Variants in NAALADL2 observed in about 807,000 individuals in gnomAD.
The protein encoded by NAALADL2 is inactive N-acetylated-alpha-linked acidic dipeptidase-like protein 2.
Under a neutral mutation model 87.2 loss-of-function variants are expected in NAALADL2, and 76 were observed. The observed-to-expected ratio is 0.87, with a 90% CI of 0.72 to 1.05. The LOEUF is 1.05. Ranked by LOEUF, NAALADL2 falls within the 50% of genes least tolerant of loss-of-function variation. The pLI, the probability that NAALADL2 is intolerant of heterozygous loss-of-function variation, is 0.00. For missense variants in NAALADL2, 1,089 were observed against 945.8 expected (o/e 1.15, Z -1.99); for synonymous variants, 354 against 331.0 (o/e 1.07, Z -0.75).
At chr3:174,823,850 A>G (rs940981905) in intron 3 of NAALADL2, among the ~76,000 whole-genome samples, 2 of 152,186 alleles carry the variant, frequency 1.3e-5, no homozygotes. Flanking sequence ...AGCTGGGACT[A>G]CAGGCATGCA....
chr3:174,632,214 T>C lies in NAALADL2; in HGVS notation c.-115+81577T>C, dbSNP rs1722182834. 2.0e-5 allele frequency: 3 copies of C among 152,288 alleles called. No homozygotes were observed. In the South Asian group the frequency reaches 6.2e-4, roughly 32 times the overall value. The allele number at this position is 152,288 out of a possible 1,614,324, so 9.4% of individuals were successfully genotyped here. A position where few individuals can be genotyped will look rare whatever the true frequency, so the allele number is the denominator to read the frequency against. On this transcript the variant is annotated intron_variant, in intron 2 of 3. Transcript: ENST00000434257. ...ACTTAGTTTCTTCAACGAAGTGGAT[T>C]AATACTATGTTAAAGGATTGTTTAA...
At chr3:174,452,823 A>C (rs1223259489) in intron 1 of NAALADL2, among the ~76,000 whole-genome samples, 1 of 152,198 alleles carries the variant, frequency 6.6e-6, no homozygotes, top group Non-Finnish European at 1.5e-5. Flanking sequence ...TCAGCCCACA[A>C]GGATGAGAAA....
At chr3:174,973,265 A>G (rs943761518) in intron 1 of NAALADL2, among the ~76,000 whole-genome samples, 3 of 152,200 alleles carry the variant, frequency 2.0e-5, no homozygotes, top group African/African-American at 7.2e-5. Flanking sequence ...TCACTGGTTC[A>G]TTCTGCTTGT....
intron 2 of NAALADL2, among the ~76,000 whole-genome samples, chr3:174,578,818 A>T (rs965939381): frequency 6.6e-6 from 1 of 151,948 alleles, no homozygotes; most frequent in African/African-American, 2.4e-5. Flanking sequence ...AAATTATATG[A>T]ATTAAACTTC....
intron 4 of NAALADL2, among the ~76,000 whole-genome samples, chr3:175,318,551 T>C (rs1420488029): frequency 3.3e-5 from 5 of 152,188 alleles, no homozygotes; most frequent in Non-Finnish European, 4.4e-5. Flanking sequence ...AAAGAAGATA[T>C]AAAAATGAAC....
At chr3:175,476,505 T>C (rs1330234240) in intron 9 of NAALADL2, among the ~76,000 whole-genome samples, 2 of 152,090 alleles carry the variant, frequency 1.3e-5, no homozygotes, top group African/African-American at 4.8e-5. Flanking sequence ...AAAAACTGAG[T>C]GGACTCAGAA....
intron 4 of NAALADL2, among the ~76,000 whole-genome samples, chr3:175,285,292 CAT>C (rs1370407327): frequency 6.6e-6 from 1 of 152,100 alleles, no homozygotes; most frequent in Non-Finnish European, 1.5e-5. Context: ...TGCTGTACCA[CAT>C]GTTACAATAG....
chr3:175,732,622 T>A (rs1003678254), intron 11 of NAALADL2, among the ~76,000 whole-genome samples: 1 of 152,130 alleles, frequency 6.6e-6, no homozygotes, highest in African/African-American at 2.4e-5. Context: ...AACATCCTCA[T>A]CGTGTGCTTT....
chr3:174,862,874 C>A (rs1394219460), intron 1 of NAALADL2, among the ~76,000 whole-genome samples: 1 of 151,946 alleles, frequency 6.6e-6, no homozygotes, highest in Non-Finnish European at 1.5e-5. Context: ...CTTCTTAGTT[C>A]TCTAGCTCTA....
At chr3:174,609,908 A>G (rs1483705976) in intron 2 of NAALADL2, among the ~76,000 whole-genome samples, 1 of 152,190 alleles carries the variant, frequency 6.6e-6, no homozygotes, top group Non-Finnish European at 1.5e-5. Context: ...ACCTGACTTC[A>G]AACTATACTA....
intron 9 of NAALADL2, among the ~76,000 whole-genome samples, chr3:175,518,043 G>T (rs536351005): frequency 6.6e-6 from 1 of 152,168 alleles, no homozygotes; most frequent in Non-Finnish European, 1.5e-5. Context: ...TGGAGCTGCC[G>T]TTTTGAACAT....
chr3:175,303,371 A>T (rs1757320718), intron 4 of NAALADL2, among the ~76,000 whole-genome samples: 1 of 152,154 alleles, frequency 6.6e-6, no homozygotes, highest in East Asian at 1.9e-4. Flanking sequence ...TTGTATAAAA[A>T]TCATATGATT....
intron 1 of NAALADL2, among the ~76,000 whole-genome samples, chr3:174,500,833 A>T (rs1200387685): frequency 6.7e-6 from 1 of 150,160 alleles, no homozygotes; most frequent in Non-Finnish European, 1.5e-5. Flanking sequence ...CACCTTGGTC[A>T]TTATATTTTT....
At chr3:175,186,352 G>T (rs1737334857) in intron 2 of NAALADL2, among the ~76,000 whole-genome samples, 1 of 152,144 alleles carries the variant, frequency 6.6e-6, no homozygotes, top group Admixed American at 6.6e-5. Context: ...AGAACTGACT[G>T]CAAAACCTTC....
At chr3:175,140,532 C>T (rs66997616) in intron 2 of NAALADL2, among the ~76,000 whole-genome samples, 1 of 151,832 alleles carries the variant, frequency 6.6e-6, no homozygotes, top group Non-Finnish European at 1.5e-5. Context: ...ATCCAAAAAA[C>T]AATAATTTGG....
At chr3:175,040,284 G>C (rs1368155324) in intron 1 of NAALADL2, among the ~76,000 whole-genome samples, 1 of 152,100 alleles carries the variant, frequency 6.6e-6, no homozygotes, top group Non-Finnish European at 1.5e-5. Context: ...TTTCATTACT[G>C]TTTGTCTCCT....
At chr3:175,093,610 C>CAT (rs1364681461) in intron 1 of NAALADL2, among the ~76,000 whole-genome samples, 10 of 149,484 alleles carry the variant, frequency 6.7e-5, no homozygotes, top group African/African-American at 2.4e-4. Context: ...ATATATAAGA[C>CAT]ATATATAATT....
At chr3:175,748,970 G>T (rs942756213) in intron 12 of NAALADL2, among the ~76,000 whole-genome samples, 6 of 151,328 alleles carry the variant, frequency 4.0e-5, no homozygotes, top group Non-Finnish European at 2.9e-5. Context: ...AGCTGGACAT[G>T]GTTGTGCAAG....
intron 9 of NAALADL2, among the ~76,000 whole-genome samples, chr3:175,500,408 AG>A: frequency 6.6e-6 from 1 of 152,052 alleles, no homozygotes; most frequent in African/African-American, 2.4e-5. Context: ...AAGGCACAGA[AG>A]TAGAAACATG....
Sources: allele counts gnomAD v4.1 joint callset (sites outside exome capture counted in the v4.1 genomes callset), GRCh38; gene constraint gnomAD v4.1.1; transcripts MANE v1.5; gene names NCBI Gene and HGNC (gene_info 2026-07-23, HGNC 2026-07-21).